Variants in GAS7 observed in about 807,000 individuals in gnomAD.
GAS7 encodes the protein growth arrest specific 7, also known as growth arrest-specific protein 7.
Under a neutral mutation model 71.1 loss-of-function variants are expected in GAS7, and 28 were observed. The observed-to-expected ratio is 0.39, with a 90% CI of 0.29 to 0.54. GAS7 has a LOEUF of 0.54. Among genes scored for constraint, GAS7 ranks in the 20% least tolerant of loss-of-function variants. The pLI is 0.62. For synonymous variants in GAS7, 258 were observed against 245.8 expected, an observed-to-expected ratio of 1.05 and a Z score of -0.46; for missense variants, 436 against 627.8, an observed-to-expected ratio of 0.69 and a Z score of 3.27.
At chr17:10,142,186 G>T (rs1028793629) in intron 1 of GAS7, among the ~76,000 whole-genome samples, 2 of 149,964 alleles carry the variant, frequency 1.3e-5, no homozygotes, top group Non-Finnish European at 3.0e-5. Flanking sequence ...ACTGCAGTCC[G>T]GCCTGGGCGA....
intron 2 of GAS7, among the ~76,000 whole-genome samples, chr17:10,000,949 C>T (rs2071245741): frequency 6.6e-6 from 1 of 152,166 alleles, no homozygotes; most frequent in Non-Finnish European, 1.5e-5. Flanking sequence ...GCCTGGCACA[C>T]TCCTTCTCCA....
chr17:10,146,017 C>G (rs563551486), intron 1 of GAS7, among the ~76,000 whole-genome samples: 1 of 152,132 alleles, frequency 6.6e-6, no homozygotes, highest in Non-Finnish European at 1.5e-5. Context: ...AGGTCCTGCG[C>G]TGATGGACCT....
intron 1 of GAS7, among the ~76,000 whole-genome samples, chr17:10,064,057 C>T (rs549044155): frequency 9.8e-4 from 149 of 152,304 alleles, no homozygotes; most frequent in Non-Finnish European, 1.8e-3. Context: ...ACACACGTGC[C>T]AACAGAAGTT....
chr17:10,011,376 C>A (rs372781933), intron 2 of GAS7, among the ~76,000 whole-genome samples: 34 of 152,046 alleles, frequency 2.2e-4, no homozygotes, highest in African/African-American at 7.2e-4. Context: ...AGGGGAGGGG[C>A]TTGGCCAGTG....
chr17:9,967,547 T>G (rs1021700259), intron 4 of GAS7, among the ~76,000 whole-genome samples: 2 of 126,876 alleles, frequency 1.6e-5, no homozygotes, highest in Non-Finnish European at 3.4e-5. Flanking sequence ...TCCTTCTTCC[T>G]AAGTATAGAT....
chr17:9,968,160 C>T (rs2152119397), intron 4 of GAS7, among the ~76,000 whole-genome samples: 1 of 152,328 alleles, frequency 6.6e-6, no homozygotes, highest in African/African-American at 2.4e-5. Context: ...AGTTTCACTT[C>T]AAACAGGATA....
chr17:9,964,949 C>T (rs1032529058), intron 4 of GAS7, among the ~76,000 whole-genome samples: 2 of 152,272 alleles, frequency 1.3e-5, no homozygotes, highest in South Asian at 2.1e-4. Context: ...CTCAAGTTTC[C>T]AAGCCCTTCG....
chr17:10,181,456 A>T (rs538851678), intron 1 of GAS7, among the ~76,000 whole-genome samples: 3 of 152,112 alleles, frequency 2.0e-5, no homozygotes, highest in South Asian at 2.1e-4. Flanking sequence ...ATGGGGGAGG[A>T]GGGTTACTTC....
intron 1 of GAS7, among the ~76,000 whole-genome samples, chr17:10,052,961 C>T (rs541402408): frequency 1.8e-4 from 27 of 152,310 alleles, no homozygotes; most frequent in African/African-American, 6.3e-4. Flanking sequence ...TACTCAAATC[C>T]ATCCCCAGGC....
At position 9,981,634 on chromosome 17, in the gene GAS7, G is replaced by A. The variant is rs1365545464; in HGVS notation, c.385+170C>T. 2.0e-5 allele frequency among the ~76,000 whole-genome samples: 3 copies of A among 152,098 alleles called. No homozygotes were observed. The highest frequency in any genetic ancestry group is 2.0e-4 in the East Asian group (1 of 5,122). On this transcript the variant is annotated intron_variant, in intron 3 of 13. Transcript: ENST00000432992. This position sits in a 1 kb window ranked among gnomAD's most constrained non-coding sequence, Gnocchi z 4.4. Reference sequence around the variant, plus strand: ...GAGCTGCTGCTGGCACTGCCAGGGAGACACCAACCTGCTTGGCAGCAGGCC... The same window carrying A: ...GAGCTGCTGCTGGCACTGCCAGGGAAACACCAACCTGCTTGGCAGCAGGCC...
chr17:9,946,971 T>C lies in GAS7; in HGVS notation c.538A>G (p.Thr180Ala), dbSNP rs1567808228. The C allele has an allele frequency of 6.2e-7, 1 of 1,610,782 alleles. No individual in the cohort carries two copies. Among genetic ancestry groups the C allele is most frequent in the Non-Finnish European group, 8.5e-7 (1 of 1,177,188 alleles). ...KENTITINCV[T>A]FPHPDTMPEQ... is the part of the protein sequence containing the mutation. ...GGCATCGTGTCTGGGTGAGGGAACG[T>C]CACACAGTTTATCTGTAGGGCACAG... The change falls in exon 6 of 14, where the codon ACG becomes GCG. Residue 180 changes from threonine (T) to alanine (A), a missense_variant. Transcript: ENST00000432992.
intron 1 of GAS7, among the ~76,000 whole-genome samples, chr17:10,196,685 C>T (rs544744175): frequency 4.6e-5 from 7 of 152,148 alleles, no homozygotes; most frequent in South Asian, 4.1e-4. Context: ...TGCTCCTCAC[C>T]GGACAGACAT....
intron 11 of GAS7, among the ~76,000 whole-genome samples, chr17:9,921,601 C>T (rs1567773028): frequency 6.6e-6 from 1 of 152,130 alleles, no homozygotes; most frequent in African/African-American, 2.4e-5. Context: ...TCTATGGCAG[C>T]CCAAGAGCTT....
intron 1 of GAS7, among the ~76,000 whole-genome samples, chr17:10,021,443 C>T (rs529436031): frequency 2.6e-5 from 4 of 152,348 alleles, no homozygotes; most frequent in Admixed American, 2.0e-4. Flanking sequence ...CTGAGCTGCT[C>T]GGGGACTTTG....
At chr17:10,148,614 GAAAA>G (rs539823559) in intron 1 of GAS7, among the ~76,000 whole-genome samples, 735 of 70,406 alleles carry the variant, frequency 0.01, 3 homozygotes, top group African/African-American at 0.037. Context: ...AAACACTCAA[GAAAA>G]AAAAAAAAAA....
chr17:10,179,181 T>C (rs2074395853), intron 1 of GAS7, among the ~76,000 whole-genome samples: 1 of 151,856 alleles, frequency 6.6e-6, no homozygotes, highest in African/African-American at 2.4e-5. Context: ...AATACAAAAT[T>C]AGCCGGGCGT....
At chr17:10,055,555 C>T (rs909638707) in intron 1 of GAS7, among the ~76,000 whole-genome samples, 5 of 152,174 alleles carry the variant, frequency 3.3e-5, no homozygotes, top group Non-Finnish European at 5.9e-5. Flanking sequence ...ACTGAAAACC[C>T]GTCCCCTCCC....
intron 1 of GAS7, among the ~76,000 whole-genome samples, chr17:10,060,325 T>C (rs2073206048): frequency 6.6e-6 from 1 of 152,166 alleles, no homozygotes. Context: ...CAGCTTAAAA[T>C]GAGCTGGGAG....
At chr17:10,177,503 A>G (rs2074381794) in intron 1 of GAS7, among the ~76,000 whole-genome samples, 1 of 152,042 alleles carries the variant, frequency 6.6e-6, no homozygotes, top group Non-Finnish European at 1.5e-5. Flanking sequence ...TGGAAACCCA[A>G]GAGATATTTA....
Sources: gnomAD v4.1 joint callset for allele counts (sites outside exome capture counted in the v4.1 genomes callset) on GRCh38, gnomAD v4.1.1 for gene constraint, Gnocchi (gnomAD v3.1) non-coding constraint, MANE v1.5 for transcripts, NCBI Gene and HGNC (gene_info 2026-07-23, HGNC 2026-07-21) for gene names.